Variants in FREM2 observed in about 807,000 individuals in gnomAD.
FREM2 encodes the protein FRAS1-related extracellular matrix protein 2.
A neutral mutation model predicts 219.9 loss-of-function variants in FREM2; 119 were observed. That is an observed-to-expected ratio of 0.54 (90% CI 0.47 to 0.63). The LOEUF is 0.63. Among genes scored for constraint, FREM2 ranks in the 30% least tolerant of loss-of-function variants. FREM2 has a pLI of 0.00. For missense variants in FREM2, 4,030 were observed against 3,993.6 expected, an observed-to-expected ratio of 1.01 and a Z score of -0.25; for synonymous variants, 1,562 against 1,522.8, an observed-to-expected ratio of 1.03 and a Z score of -0.60.
intron 23 of FREM2, 26 bp from the exon 24 acceptor site, chr13:38,880,258 C>T: frequency 6.2e-7 from 1 of 1,609,338 alleles, no homozygotes; most frequent in Non-Finnish European, 8.5e-7. Flanking sequence ...CTAGTATTTC[C>T]TAATAAATAG....
At chr13:38,836,838 C>A (rs1157197300) in intron 6 of FREM2, among the ~76,000 whole-genome samples, 1 of 151,980 alleles carries the variant, frequency 6.6e-6, no homozygotes, top group Non-Finnish European at 1.5e-5. Flanking sequence ...TCTCTCTTTT[C>A]TTCTTTATTA....
intron 6 of FREM2, among the ~76,000 whole-genome samples, chr13:38,825,639 C>T (rs1470885674): frequency 1.3e-5 from 2 of 152,096 alleles, no homozygotes; most frequent in Non-Finnish European, 2.9e-5. Context: ...AATGAAAATG[C>T]TGAACAGCTC....
At chr13:38,766,503 C>G (rs1873441377) in intron 3 of FREM2, among the ~76,000 whole-genome samples, 1 of 152,142 alleles carries the variant, frequency 6.6e-6, no homozygotes. Flanking sequence ...GAAGGGTAGC[C>G]TCATACAAGT....
In FREM2 at chr13:38,851,030, C is replaced by T. The variant is rs137899618; in HGVS notation, c.6664C>T (p.Pro2222Ser). The T allele has an allele frequency of 8.2e-5, 133 of 1,613,968 alleles. No homozygotes were observed. The African/African-American group carries it at 1.6e-3, about 20-fold the overall frequency. Residue 2222 changes from proline to serine, a missense_variant, in exon 10 of 24, where the codon CCA becomes TCA. Pro to Ser is a moderately conservative substitution (Grantham distance 74). This residue lies in a region of FREM2 where 3,102 missense variants were observed against 2,950.7 expected (regional missense o/e 1.05). Transcript: ENST00000280481. The stretch of plus-strand genomic sequence containing the variant: ...GGAGCTCCGCCTGGTACTCGGCACT[C>T]CACAAAGCAACTCTCCCTTTGGGGC... ...VEELRLVLGT[P>S]QSNSPFGAAV... is the part of the protein sequence containing the mutation.
At chr13:38,740,319 T>C (rs1169431443) in intron 2 of FREM2, among the ~76,000 whole-genome samples, 1 of 152,202 alleles carries the variant, frequency 6.6e-6, no homozygotes, top group Non-Finnish European at 1.5e-5. Flanking sequence ...TTTATAAACA[T>C]TAAAGACTTG....
chr13:38,737,311 A>G (rs1352743544), intron 2 of FREM2, among the ~76,000 whole-genome samples: 1 of 152,242 alleles, frequency 6.6e-6, no homozygotes, highest in Non-Finnish European at 1.5e-5. Flanking sequence ...TTTTAATGCT[A>G]GATGGATGGA....
intron 6 of FREM2, among the ~76,000 whole-genome samples, chr13:38,785,564 G>A (rs1285123471): frequency 1.3e-5 from 2 of 152,170 alleles, no homozygotes; most frequent in Admixed American, 6.5e-5. Context: ...AAGAAACTGG[G>A]GGATAAATCT....
chr13:38,878,139 A>G lies in FREM2; in HGVS notation c.8677A>G (p.Ile2893Val), dbSNP rs781329079. Residue 2893 changes from isoleucine to valine, a missense_variant, in exon 22 of 24, where the codon ATA becomes GTA. By Grantham distance (29) the Ile-to-Val change is conservative. Around this residue, in one of 2 missense-constraint regions of FREM2, gnomAD observed 928 missense variants for 1,042.9 expected, o/e 0.89. Transcript: ENST00000280481. ...ESDVAFAEGD[I>V]IYGRVMVDPV... ...TTTCCACATCTCTATTTCAGGTGAT[A>G]TAATTTATGGTCGTGTCATGGTGGA... is the stretch of plus-strand genomic sequence containing the variant. 20 of 1,612,438 alleles carry G rather than the reference A, an allele frequency of 1.2e-5. No individual in the cohort carries two copies. The South Asian group carries it at 2.1e-4, about 17-fold the overall frequency.
chr13:38,759,391 A>C (rs978284985), intron 2 of FREM2, among the ~76,000 whole-genome samples: 9 of 148,842 alleles, frequency 6.0e-5, no homozygotes, highest in African/African-American at 2.2e-4. Flanking sequence ...CTTTAGAGAG[A>C]TCGGGCAGCC....
In FREM2 at chr13:38,687,173, C is replaced by A; in HGVS notation, c.-172C>A. On this transcript the variant is annotated 5_prime_UTR_variant, in exon 1 of 24. Transcript: ENST00000280481. ...CGGCTCCTCGGCTGCGGCTCCAGCC[C>A]GGACGGCGCCGCGCAACTTTGCCAT... 1.1e-6 allele frequency: 1 copy of A among 904,550 alleles called. No homozygotes were observed. Among genetic ancestry groups the A allele is most frequent in the Non-Finnish European group, 1.7e-6 (1 of 596,586 alleles). The allele number at this position is 904,550 out of a possible 1,614,324, so 56.0% of individuals were successfully genotyped here.
In FREM2 at chr13:38,883,470, T is replaced by C. The variant is rs1399528895; in HGVS notation, c.*2683T>C. On this transcript the variant is annotated 3_prime_UTR_variant, in exon 24 of 24. Transcript: ENST00000280481. ...GTGGCTTCTGACTCCAATCAAGGTC[T>C]TGTTGATATTATATAGTAAAAATAA... 6.6e-6 allele frequency: 1 copy of C among 152,194 alleles called. No individual in the cohort carries two copies. Among genetic ancestry groups the C allele is most frequent in the Non-Finnish European group, 1.5e-5 (1 of 68,030 alleles). 9.4% of individuals were successfully genotyped at this position (152,194 alleles called of 1,614,324 possible). A position where few individuals can be genotyped will look rare whatever the true frequency, so the allele number is the denominator to read the frequency against.
At chr13:38,749,260 A>C (rs1872613332) in intron 2 of FREM2, among the ~76,000 whole-genome samples, 1 of 152,186 alleles carries the variant, frequency 6.6e-6, no homozygotes, top group East Asian at 1.9e-4. Context: ...GATTAGCCAT[A>C]AATGTTGACA....
intron 4 of FREM2, among the ~76,000 whole-genome samples, chr13:38,776,031 T>C (rs561704630): frequency 1.1e-4 from 17 of 152,382 alleles, no homozygotes; most frequent in African/African-American, 3.8e-4. Context: ...GGTTTGGGTA[T>C]GTTTACATTA....
chr13:38,731,060 A>G (rs1871748053), intron 2 of FREM2, among the ~76,000 whole-genome samples: 1 of 152,136 alleles, frequency 6.6e-6, no homozygotes, highest in Admixed American at 6.5e-5. Flanking sequence ...CTTAATGCTC[A>G]TTGTTCAATT....
chr13:38,874,449 A>G (rs201365077), intron 17 of FREM2, 33 bp from the exon 18 acceptor site: 3 of 1,542,648 alleles, frequency 1.9e-6, no homozygotes, highest in East Asian at 2.2e-5. Flanking sequence ...CTGGCTACAT[A>G]TATTTTCATT....
intron 16 of FREM2, among the ~76,000 whole-genome samples, chr13:38,870,242 C>A (rs1878112830): frequency 6.6e-6 from 1 of 152,074 alleles, no homozygotes; most frequent in East Asian, 1.9e-4. Context: ...TATATGTAAG[C>A]CACTCTCAAT....
intron 6 of FREM2, among the ~76,000 whole-genome samples, chr13:38,797,788 C>G (rs1267281467): frequency 6.6e-6 from 1 of 151,840 alleles, no homozygotes; most frequent in African/African-American, 2.4e-5. Flanking sequence ...AGTCTTTAAT[C>G]CATCTTGACT....
chr13:38,877,323 G>A lies in FREM2; in HGVS notation c.8671+80G>A, dbSNP rs1648802810. 7.5e-6 allele frequency: 11 copies of A among 1,472,232 alleles called. No individual in the cohort carries two copies. In the East Asian group the frequency reaches 2.5e-4, roughly 33 times the overall value. The allele number at this position is 1,472,232 out of a possible 1,614,324, so 91.2% of individuals were successfully genotyped here. On this transcript the variant is annotated intron_variant, in intron 21 of 23. Transcript: ENST00000280481. Reference sequence around the variant, plus strand: ...TTTGCTTTTTGGGGATTGTGTTTGAGGGGGCAAATTATAGCTTTTTTTATG... The same window carrying A: ...TTTGCTTTTTGGGGATTGTGTTTGAAGGGGCAAATTATAGCTTTTTTTATG...
intron 12 of FREM2, 145 bp downstream of exon 12, chr13:38,856,401 C>A: frequency 1.4e-6 from 1 of 727,660 alleles, no homozygotes; most frequent in Non-Finnish European, 2.4e-6. Flanking sequence ...TTTTTACCAC[C>A]TAAATGTGTT....
Sources: gnomAD v4.1 joint callset for allele counts (sites outside exome capture counted in the v4.1 genomes callset) on GRCh38, gnomAD v4.1.1 for gene constraint, gnomAD v4.1.1 regional missense constraint, MANE v1.5 for transcripts, NCBI Gene and HGNC (gene_info 2026-07-23, HGNC 2026-07-21) for gene names.